TOP1: variants seen among roughly 807,000 people sequenced by gnomAD.
TOP1 encodes the protein DNA topoisomerase I.
In TOP1, 10 loss-of-function variants were observed where a neutral mutation model predicts 111.1. That is an observed-to-expected ratio of 0.09 (90% CI 0.06 to 0.15). TOP1 has a LOEUF of 0.15. Ranked by LOEUF, TOP1 falls within the 10% of genes least tolerant of loss-of-function variation. The probability of loss-of-function intolerance (pLI) is 1.00; values close to 1 mark genes in which losing one functional copy is unlikely to be tolerated. For synonymous variants in TOP1, 271 were observed against 302.9 expected (o/e 0.89, Z 1.10); for missense variants, 474 against 926.7 (o/e 0.51, Z 6.34).
intron 3 of TOP1, 119 bp from the exon 4 acceptor site, chr20:41,076,052 G>A (rs543958947): frequency 2.1e-5 from 21 of 989,998 alleles, no homozygotes; most frequent in South Asian, 9.1e-5. Flanking sequence ...ACCTTCTGTC[G>A]GTACTGTTTG....
At chr20:41,065,043 T>C (rs1338818419) in intron 3 of TOP1, among the ~76,000 whole-genome samples, 1 of 152,082 alleles carries the variant, frequency 6.6e-6, no homozygotes, top group Non-Finnish European at 1.5e-5. Context: ...TAGCTGGGAT[T>C]AAGGTGCGTG....
chr20:41,042,963 G>C (rs772214209), intron 2 of TOP1, among the ~76,000 whole-genome samples: 36 of 152,314 alleles, frequency 2.4e-4, no homozygotes, highest in Middle Eastern at 6.8e-3. Context: ...GTAGGCTGAG[G>C]GGGAAGAGGA....
At position 41,098,105 on chromosome 20, in the gene TOP1, GA is replaced by G; in HGVS notation, c.853-107del. 8.6e-7 allele frequency: 1 copy of G among 1,167,756 alleles called. No homozygotes were observed. Among genetic ancestry groups the G allele is most frequent in the Non-Finnish European group, 1.2e-6 (1 of 802,976 alleles). The allele number at this position is 1,167,756 out of a possible 1,614,324, so 72.3% of individuals were successfully genotyped here. ...CATTAATTGAGATTGGCTACTTCCA[GA>G]AACCTTTGACTGAAAAAATGGTGCT... is the stretch of plus-strand genomic sequence containing the variant. On this transcript the variant is annotated intron_variant, in intron 10 of 20. Transcript: ENST00000361337. This position sits in a 1 kb window ranked among gnomAD's most constrained non-coding sequence, Gnocchi z 5.7.
At chr20:41,066,488 C>CTT (rs1217985400) in intron 3 of TOP1, among the ~76,000 whole-genome samples, 1 of 151,648 alleles carries the variant, frequency 6.6e-6, no homozygotes, top group East Asian at 1.9e-4. Flanking sequence ...TAAAAGCATA[C>CTT]TTTTCCAAGA....
At chr20:41,084,338 C>T (rs2033822643) in intron 7 of TOP1, 124 bp from the exon 8 acceptor site, 1 of 507,774 alleles carries the variant, frequency 2.0e-6, no homozygotes, top group African/African-American at 1.9e-5. Context: ...GAGAGGAGTA[C>T]TAAGATCTTC....
At chr20:41,075,872 T>C (rs749901567) in intron 3 of TOP1, among the ~76,000 whole-genome samples, 1 of 152,222 alleles carries the variant, frequency 6.6e-6, no homozygotes. Flanking sequence ...GAGCTTTCAT[T>C]ATTGTTTTTG....
At chr20:41,038,156 T>C (rs1037036472) in intron 2 of TOP1, among the ~76,000 whole-genome samples, 4 of 152,164 alleles carry the variant, frequency 2.6e-5, no homozygotes, top group Admixed American at 1.3e-4. Flanking sequence ...GCGAATAGTC[T>C]CCCGGCCTCC....
At position 41,079,626 on chromosome 20, in the gene TOP1, G is replaced by C. The variant is rs1038671862; in HGVS notation, c.336-459G>C. Reference sequence around the variant, plus strand: ...CATGTACGTTATTGCCACATTTTTAGAACTTTAAGGTACTAAGTTGGGGAA... The same window carrying C: ...CATGTACGTTATTGCCACATTTTTACAACTTTAAGGTACTAAGTTGGGGAA... On this transcript the variant is annotated intron_variant, in intron 5 of 20. Transcript: ENST00000361337. This position sits in a 1 kb window ranked among gnomAD's most constrained non-coding sequence, Gnocchi z 4.0. 4.6e-5 allele frequency among the ~76,000 whole-genome samples: 7 copies of C among 152,070 alleles called. No homozygotes were observed. Among genetic ancestry groups the C allele is most frequent in the African/African-American group, 1.4e-4 (6 of 41,414 alleles).
At position 41,082,175 on chromosome 20, in the gene TOP1, T is replaced by C. The variant is rs1001908587; in HGVS notation, c.507+935T>C. Among the ~76,000 whole-genome samples the C allele has an allele frequency of 6.6e-6, 1 of 152,132 alleles. No homozygotes were observed. Among genetic ancestry groups the C allele is most frequent in the African/African-American group, 2.4e-5 (1 of 41,434 alleles). On this transcript the variant is annotated intron_variant, in intron 7 of 20. Coordinates refer to ENST00000361337, the MANE Select transcript of TOP1 (RefSeq NM_003286.4). This position sits in a 1 kb window ranked among gnomAD's most constrained non-coding sequence, Gnocchi z 4.1. ...GTCATGGGCAAAATGGGATCACAAA[T>C]GTAAAGTGGACAGTTTGAAGTACCA...
intron 2 of TOP1, among the ~76,000 whole-genome samples, chr20:41,031,019 G>A (rs2122580791): frequency 6.6e-6 from 1 of 152,296 alleles, no homozygotes; most frequent in East Asian, 1.9e-4. Flanking sequence ...GGGCATATGT[G>A]TACCCAAAAT....
rs956828478 is a variant in TOP1 at position 41,058,097 on chromosome 20, C to T, written c.59-3297C>T. 1.3e-5 allele frequency among the ~76,000 whole-genome samples: 2 copies of T among 152,110 alleles called. No individual in the cohort carries two copies. Among genetic ancestry groups the T allele is most frequent in the Non-Finnish European group, 2.9e-5 (2 of 68,010 alleles). Reference sequence around the variant, plus strand: ...TGACACCATATGATATTATTTTTCCCATCTCTGTAGGATGGGAATTTCTTA... The same window carrying T: ...TGACACCATATGATATTATTTTTCCTATCTCTGTAGGATGGGAATTTCTTA... On this transcript the variant is annotated intron_variant, in intron 2 of 20. Coordinates refer to ENST00000361337, the MANE Select transcript of TOP1 (RefSeq NM_003286.4). This position sits in a 1 kb window ranked among gnomAD's most constrained non-coding sequence, Gnocchi z 4.2.
chr20:41,119,090 C>A (rs1042092553), intron 18 of TOP1, among the ~76,000 whole-genome samples: 2 of 152,138 alleles, frequency 1.3e-5, no homozygotes, highest in East Asian at 1.9e-4. Flanking sequence ...ATACAGTTAT[C>A]AAAATACATT....
At chr20:41,093,097 G>T (rs1313700972) in intron 9 of TOP1, among the ~76,000 whole-genome samples, 1 of 152,084 alleles carries the variant, frequency 6.6e-6, no homozygotes, top group South Asian at 2.1e-4. Context: ...CTATGCCTTT[G>T]ATATATGTGC....
rs2033646004 is a variant in TOP1 at position 41,069,516 on chromosome 20, G to A, written c.156-6655G>A. Among the ~76,000 whole-genome samples, 1 of 152,132 alleles carries A rather than the reference G, an allele frequency of 6.6e-6. No homozygotes were observed. The highest frequency in any genetic ancestry group is 6.6e-5 in the Admixed American group (1 of 15,264). On this transcript the variant is annotated intron_variant, in intron 3 of 20. Transcript: ENST00000361337. The surrounding 1 kb of genome is among the most constrained non-coding windows in gnomAD (Gnocchi z 4.1). Reference sequence around the variant, plus strand: ...GTGATCCAAGGTGCTTAACTTCTCTGGGTCTCATTTTCTGTTTTGGTCAAG... The same window carrying A: ...GTGATCCAAGGTGCTTAACTTCTCTAGGTCTCATTTTCTGTTTTGGTCAAG...
intron 3 of TOP1, among the ~76,000 whole-genome samples, chr20:41,062,119 A>T (rs987545536): frequency 1.3e-5 from 2 of 152,180 alleles, no homozygotes; most frequent in African/African-American, 4.8e-5. Context: ...TTTTTGGTGT[A>T]GGAGGCAAGT....
Position 41,083,002 on chromosome 20 carries a change from C to G in TOP1, c.508-1460C>G, listed in dbSNP as rs2033807181. The stretch of plus-strand genomic sequence containing the variant: ...GAAAGACTGAATTAATACAATCTTA[C>G]TGTGGCAGGGACCCCAGATGGCAGA... On this transcript the variant is annotated intron_variant, in intron 7 of 20. Transcript: ENST00000361337. The surrounding 1 kb of genome is among the most constrained non-coding windows in gnomAD (Gnocchi z 7.2). 6.6e-6 allele frequency among the ~76,000 whole-genome samples: 1 copy of G among 152,228 alleles called. No individual in the cohort carries two copies. Among genetic ancestry groups the G allele is most frequent in the African/African-American group, 2.4e-5 (1 of 41,466 alleles).
chr20:41,057,879 A>G (rs977556732), intron 2 of TOP1, among the ~76,000 whole-genome samples: 5 of 152,286 alleles, frequency 3.3e-5, no homozygotes, highest in Non-Finnish European at 5.9e-5. Flanking sequence ...TATTACATGT[A>G]TTGTCATTAT....
At position 41,077,592 on chromosome 20, in the gene TOP1, C is replaced by T. The variant is rs375933660; in HGVS notation, c.290C>T (p.Ser97Phe). ...TGTTTTACTTTTCAGGTTCGAGCCT[C>T]TGGGGATGCAAAAATAAAGAAGGAG... ...EKRKEEKVRA[S>F]GDAKIKKEKE... Residue 97 changes from serine (S) to phenylalanine (F), a missense_variant, in exon 5 of 21, where the codon TCT becomes TTT. Physicochemically the swap from Ser to Phe is radical, Grantham distance 155 (BLOSUM62 -2). Transcript: ENST00000361337. 48 of 1,614,058 alleles carry T rather than the reference C, an allele frequency of 3.0e-5. No homozygotes were observed. The African/African-American group carries it at 5.3e-4, about 18-fold the overall frequency.
chr20:41,119,722 G>A (rs974421038), intron 18 of TOP1, among the ~76,000 whole-genome samples: 3 of 152,180 alleles, frequency 2.0e-5, no homozygotes, highest in Non-Finnish European at 2.9e-5. Context: ...TTGAAGAGAC[G>A]TACATGTCCA....
Sources: gnomAD v4.1 joint callset for allele counts (sites outside exome capture counted in the v4.1 genomes callset) on GRCh38, gnomAD v4.1.1 for gene constraint, Gnocchi (gnomAD v3.1) non-coding constraint, MANE v1.5 for transcripts, NCBI Gene and HGNC (gene_info 2026-07-23, HGNC 2026-07-21) for gene names.